The following NEXMIF variants were observed in gnomAD, a reference collection of about 807,000 sequenced individuals.
NEXMIF encodes XLMR protein related to neurite extension.
NEXMIF carries 8 observed loss-of-function variants against 62.1 expected under a neutral mutation model. The observed-to-expected ratio is 0.13, with a 90% CI of 0.08 to 0.23. NEXMIF has a LOEUF of 0.23. Among genes scored for constraint, NEXMIF ranks in the 10% least tolerant of loss-of-function variants. The pLI, the probability that NEXMIF is intolerant of heterozygous loss-of-function variation, is 1.00. For synonymous variants in NEXMIF, 404 were observed against 416.6 expected (o/e 0.97, Z 0.37); for missense variants, 976 against 1,113.3 (o/e 0.88, Z 1.75).
intron 1 of NEXMIF, among the ~76,000 whole-genome samples, chrX:74,901,153 A>G (rs2080748322): frequency 8.9e-6 from 1 of 112,308 alleles, no homozygotes; most frequent in South Asian, 3.7e-4. Flanking sequence ...TTAAGATGGT[A>G]AATTTTATGT....
At chrX:74,833,771 C>T (rs764010759) in intron 1 of NEXMIF, among the ~76,000 whole-genome samples, 1 of 111,080 alleles carries the variant, frequency 9.0e-6, no homozygotes, top group Non-Finnish European at 1.9e-5. Context: ...TACTGAGAGG[C>T]TTGCAAATAC....
intron 1 of NEXMIF, among the ~76,000 whole-genome samples, chrX:74,845,007 G>C (rs954826770): frequency 8.9e-6 from 1 of 112,287 alleles, no homozygotes; most frequent in Admixed American, 9.4e-5. Flanking sequence ...AATAAATAAT[G>C]TTACTAAACA....
At chrX:74,834,586 T>TA (rs1301378458) in intron 1 of NEXMIF, among the ~76,000 whole-genome samples, 1 of 111,795 alleles carries the variant, frequency 8.9e-6, no homozygotes, top group Non-Finnish European at 1.9e-5. Flanking sequence ...TCTTCTAGGG[T>TA]AAAATATGTT....
intron 1 of NEXMIF, among the ~76,000 whole-genome samples, chrX:74,843,801 G>A (rs934759899): frequency 8.9e-6 from 1 of 112,274 alleles, no homozygotes; most frequent in East Asian, 2.8e-4. Context: ...GTATTGATAT[G>A]TGTGGATTTG....
chrX:74,864,070 T>G lies in NEXMIF; in HGVS notation c.-48+60813A>C, dbSNP rs374198573. Among the ~76,000 whole-genome samples the G allele has an allele frequency of 8.9e-5, 10 of 112,207 alleles. No homozygotes were observed. In the East Asian group the frequency reaches 2.0e-3, roughly 22 times the overall value. ...TTCAATAAAATTAAACATCCCTTCA[T>G]GTTAAAAACTCTCAATAAACTAGGT... On this transcript the variant is annotated intron_variant, in intron 1 of 3. Coordinates refer to ENST00000055682, the MANE Select transcript of NEXMIF (RefSeq NM_001008537.3).
chrX:74,876,137 A>T (rs1297999650), intron 1 of NEXMIF, among the ~76,000 whole-genome samples: 4 of 109,934 alleles, frequency 3.6e-5, no homozygotes, highest in African/African-American at 1.3e-4. Context: ...TAGTGCTATA[A>T]ATTTCCCTCC....
At chrX:74,766,686 T>C (rs2080195688) in intron 1 of NEXMIF, among the ~76,000 whole-genome samples, 1 of 112,570 alleles carries the variant, frequency 8.9e-6, no homozygotes, top group Admixed American at 9.4e-5. Context: ...CTCCTAAATC[T>C]GAATGATCTT....
chrX:74,810,990 T>C (rs1216906804), intron 1 of NEXMIF, among the ~76,000 whole-genome samples: 1 of 111,559 alleles, frequency 9.0e-6, no homozygotes, highest in African/African-American at 3.3e-5. Context: ...ATATATATTA[T>C]CTCACTTAAT....
chrX:74,742,600 T>C lies in NEXMIF; in HGVS notation c.1957A>G (p.Ile653Val), dbSNP rs2080110279. 1.7e-6 allele frequency: 2 copies of C among 1,210,493 alleles called. No homozygotes were observed. Residue 653 changes from isoleucine to valine, a missense_variant, in exon 3 of 4, where the codon ATT (isoleucine) becomes GTT (valine). Physicochemically the swap from Ile to Val is conservative, Grantham distance 29. Around this residue, in one of 5 missense-constraint regions of NEXMIF, gnomAD observed 639 missense variants for 694.5 expected, o/e 0.92. Coordinates refer to ENST00000055682, the MANE Select transcript of NEXMIF (RefSeq NM_001008537.3). Reference sequence around the variant, plus strand: ...TGCCTCTGATCATTACATAATGAAATCTGTTTACTACTTGCTGAAATTTCA... The same window carrying C: ...TGCCTCTGATCATTACATAATGAAACCTGTTTACTACTTGCTGAAATTTCA... ...SIEISASSKQ[I>V]SLCNDQRHAS... is the part of the protein sequence containing the mutation.
intron 1 of NEXMIF, among the ~76,000 whole-genome samples, chrX:74,885,559 A>C (rs1453512284): frequency 8.9e-6 from 1 of 111,777 alleles, no homozygotes; most frequent in Admixed American, 9.6e-5. Flanking sequence ...GAAATGGATA[A>C]ATTCCTCGAC....
intron 1 of NEXMIF, among the ~76,000 whole-genome samples, chrX:74,869,309 G>A (rs1386121928): frequency 9.0e-6 from 1 of 111,301 alleles, no homozygotes; most frequent in African/African-American, 3.3e-5. Context: ...ACTGGGGATA[G>A]AAGGAACATA....
intron 1 of NEXMIF, among the ~76,000 whole-genome samples, chrX:74,787,355 C>A (rs1310364193): frequency 1.8e-5 from 2 of 110,484 alleles, no homozygotes; most frequent in Non-Finnish European, 3.8e-5. Context: ...TGATCAATAC[C>A]TTCTTTGGCT....
intron 1 of NEXMIF, among the ~76,000 whole-genome samples, chrX:74,820,952 A>G (rs2147479226): frequency 9.0e-6 from 1 of 111,198 alleles, no homozygotes; most frequent in East Asian, 2.8e-4. Flanking sequence ...ATAATTGGCA[A>G]CTGAAACCCC....
chrX:74,885,558 A>G (rs1296277108), intron 1 of NEXMIF, among the ~76,000 whole-genome samples: 2 of 111,911 alleles, frequency 1.8e-5, no homozygotes, highest in African/African-American at 6.5e-5. Context: ...AGAAATGGAT[A>G]AATTCCTCGA....
chrX:74,837,038 CTG>C (rs1403993678), intron 1 of NEXMIF, among the ~76,000 whole-genome samples: 1 of 111,427 alleles, frequency 9.0e-6, no homozygotes, highest in Non-Finnish European at 1.9e-5. Flanking sequence ...TGCACAGGTG[CTG>C]ACTGAGCCCA....
At chrX:74,791,115 G>C (rs1393076328) in intron 1 of NEXMIF, among the ~76,000 whole-genome samples, 3 of 110,288 alleles carry the variant, frequency 2.7e-5, no homozygotes, top group African/African-American at 9.9e-5. Flanking sequence ...CTGTGGGTTT[G>C]TCATAGATAG....
intron 1 of NEXMIF, among the ~76,000 whole-genome samples, chrX:74,882,567 A>C (rs1199376347): frequency 1.8e-5 from 2 of 111,779 alleles, no homozygotes; most frequent in Non-Finnish European, 3.8e-5. Context: ...GCAGTCTGAG[A>C]TCAAACTGCA....
At chrX:74,760,099 C>G (rs770483949) in intron 1 of NEXMIF, among the ~76,000 whole-genome samples, 1 of 111,316 alleles carries the variant, frequency 9.0e-6, no homozygotes, top group Non-Finnish European at 1.9e-5. Flanking sequence ...GTGTAGAGAT[C>G]GTTGACCTCC....
chrX:74,757,205 A>T (rs2080162002), intron 1 of NEXMIF, among the ~76,000 whole-genome samples: 1 of 112,586 alleles, frequency 8.9e-6, no homozygotes, highest in African/African-American at 3.2e-5. Context: ...TCAAGTGCTC[A>T]GTAATCACCT....
Sources: allele counts gnomAD v4.1 joint callset (sites outside exome capture counted in the v4.1 genomes callset), GRCh38; gene constraint gnomAD v4.1.1; regional missense constraint gnomAD v4.1.1; transcripts MANE v1.5; gene names NCBI Gene and HGNC (gene_info 2026-07-23, HGNC 2026-07-21).